NT5C2: variants seen among roughly 807,000 people sequenced by gnomAD.
The protein encoded by NT5C2 is 5'-nucleotidase, cytosolic II, also known as cytosolic purine 5'-nucleotidase.
Under a neutral mutation model 76.1 loss-of-function variants are expected in NT5C2, and 58 were observed. The ratio of observed to expected loss-of-function variants is 0.76; its 90% CI spans 0.62 to 0.95. The LOEUF is 0.95. Ranked by LOEUF, NT5C2 falls within the 40% of genes least tolerant of loss-of-function variation. The pLI is 0.00. For missense variants in NT5C2, 478 were observed against 690.3 expected, an observed-to-expected ratio of 0.69 and a Z score of 3.45; for synonymous variants, 229 against 237.4, an observed-to-expected ratio of 0.96 and a Z score of 0.32.
At chr10:103,111,698 C>G in intron 4 of NT5C2, 1 of 1,169,392 alleles carries the variant, frequency 8.6e-7, no homozygotes, top group Non-Finnish European at 1.1e-6. Flanking sequence ...CAAACCTCTA[C>G]AGAGGTTCCA....
intron 3 of NT5C2, among the ~76,000 whole-genome samples, chr10:103,160,057 C>CA (rs1252601341): frequency 6.6e-6 from 1 of 152,134 alleles, no homozygotes; most frequent in African/African-American, 2.4e-5. Flanking sequence ...ATAGATCAAA[C>CA]AAATATAATT....
At chr10:103,160,302 C>T (rs1246435815) in intron 3 of NT5C2, among the ~76,000 whole-genome samples, 2 of 152,046 alleles carry the variant, frequency 1.3e-5, no homozygotes, top group African/African-American at 2.4e-5. Flanking sequence ...CAGAAGAGAA[C>T]ACAGGAGTAA....
At chr10:103,111,886 CAG>C (rs922914910) in intron 4 of NT5C2, 54 of 870,422 alleles carry the variant, frequency 6.2e-5, no homozygotes, top group Middle Eastern at 7.8e-4. Context: ...TGGGCTGGAA[CAG>C]AGAGATACCA....
chr10:103,100,309 T>C (rs1449690266), intron 8 of NT5C2, among the ~76,000 whole-genome samples: 1 of 152,216 alleles, frequency 6.6e-6, no homozygotes, highest in African/African-American at 2.4e-5. Context: ...TTATCACTTT[T>C]TAGAAACAGG....
intron 12 of NT5C2, among the ~76,000 whole-genome samples, chr10:103,095,316 C>T (rs1446447285): frequency 1.3e-5 from 2 of 152,172 alleles, no homozygotes; most frequent in African/African-American, 4.8e-5. Flanking sequence ...CCTTTTAAGA[C>T]CAACCTGAAG....
In NT5C2 at chr10:103,090,629, G is replaced by A. The variant is rs2134503865; in HGVS notation, c.1431C>T (p.Phe477=). The A allele has an allele frequency of 1.2e-6, 2 of 1,613,970 alleles. No individual in the cohort carries two copies. The highest frequency in any genetic ancestry group is 1.1e-5 in the South Asian group (1 of 91,050). Residue 477 remains phenylalanine, a synonymous_variant, in exon 18 of 19, where the codon TTC becomes TTT. Transcript: ENST00000404739. ...AACTCACCAAGACATGGGCAGCCCT[G>A]AAGAGGTAGCTGAAAGGGTAATACA... ...NLLYYPFSYL[F]RAAHVLMPHE...
chr10:103,105,843 C>T, intron 5 of NT5C2, 42 bp from the exon 6 acceptor site: 1 of 1,343,234 alleles, frequency 7.4e-7, no homozygotes, highest in South Asian at 1.2e-5. Flanking sequence ...CAAAGTAATA[C>T]AGGCAATAAT....
chr10:103,112,710 C>T (rs531884739), intron 4 of NT5C2, among the ~76,000 whole-genome samples: 1 of 152,164 alleles, frequency 6.6e-6, no homozygotes, highest in African/African-American at 2.4e-5. Flanking sequence ...AAAAGCATTA[C>T]AACACTACCA....
intron 3 of NT5C2, among the ~76,000 whole-genome samples, chr10:103,159,996 T>C (rs1184946176): frequency 1.3e-5 from 2 of 152,208 alleles, no homozygotes; most frequent in Non-Finnish European, 2.9e-5. Context: ...TTTTCAAAAC[T>C]TACTACAAAG....
chr10:103,147,039 T>A (rs1348254145), intron 3 of NT5C2, among the ~76,000 whole-genome samples: 3 of 152,216 alleles, frequency 2.0e-5, no homozygotes, highest in Non-Finnish European at 4.4e-5. Context: ...TAGGCTTACA[T>A]TTTGTGTCTT....
intron 1 of NT5C2, among the ~76,000 whole-genome samples, chr10:103,185,935 CATA>C (rs1419658754): frequency 2.2e-4 from 34 of 152,120 alleles, no homozygotes; most frequent in African/African-American, 8.2e-4. Context: ...ATAATGCTAA[CATA>C]ATAACAGCTG....
At chr10:103,103,458 C>T (rs1475528213) in intron 6 of NT5C2, among the ~76,000 whole-genome samples, 1 of 152,126 alleles carries the variant, frequency 6.6e-6, no homozygotes, top group Non-Finnish European at 1.5e-5. Flanking sequence ...CTATTCCCTC[C>T]ATCATTAAAG....
chr10:103,160,771 T>C (rs1433170395), intron 3 of NT5C2, among the ~76,000 whole-genome samples: 1 of 152,160 alleles, frequency 6.6e-6, no homozygotes, highest in Non-Finnish European at 1.5e-5. Context: ...TCCCAGCATT[T>C]TGGGAGGCCG....
chr10:103,159,293 A>ACACACACACAC (rs61684615), intron 3 of NT5C2, among the ~76,000 whole-genome samples: 1 of 149,514 alleles, frequency 6.7e-6, no homozygotes, highest in Non-Finnish European at 1.5e-5. Context: ...ACACACACAC[A>ACACACACACAC]ATTAGAGCTA....
At chr10:103,143,841 G>A (rs2081016919) in intron 3 of NT5C2, among the ~76,000 whole-genome samples, 1 of 151,952 alleles carries the variant, frequency 6.6e-6, no homozygotes, top group Non-Finnish European at 1.5e-5. Context: ...TATAGTCTCA[G>A]CTACTCAAGA....
intron 4 of NT5C2, among the ~76,000 whole-genome samples, chr10:103,138,755 C>A (rs1356936639): frequency 1.3e-5 from 2 of 152,200 alleles, no homozygotes; most frequent in Non-Finnish European, 2.9e-5. Flanking sequence ...CGCCTGTAAA[C>A]CCAGCACTTT....
intron 6 of NT5C2, among the ~76,000 whole-genome samples, chr10:103,104,110 T>G (rs997844081): frequency 6.6e-6 from 1 of 152,250 alleles, no homozygotes; most frequent in Non-Finnish European, 1.5e-5. Context: ...CCTCCCAAAG[T>G]GCTGAGATTA....
intron 4 of NT5C2, chr10:103,111,600 G>T: frequency 2.1e-6 from 1 of 475,842 alleles, no homozygotes; most frequent in Non-Finnish European, 3.4e-6. Flanking sequence ...AAAACTTTCT[G>T]CAGAGAAGTT....
chr10:103,095,831 G>A (rs2068033490), intron 12 of NT5C2, 108 bp downstream of exon 12: 1 of 907,420 alleles, frequency 1.1e-6, no homozygotes, highest in Non-Finnish European at 1.8e-6. Flanking sequence ...TTAAAAAGTA[G>A]GACTTTTCTG....
Sources: allele counts gnomAD v4.1 joint callset (sites outside exome capture counted in the v4.1 genomes callset), GRCh38; gene constraint gnomAD v4.1.1; transcripts MANE v1.5; gene names NCBI Gene and HGNC (gene_info 2026-07-23, HGNC 2026-07-21).